The following IMMP2L variants were observed in gnomAD, a reference collection of about 807,000 sequenced individuals.
IMMP2L encodes the protein inner mitochondrial membrane peptidase subunit 2.
A neutral mutation model predicts 19.3 loss-of-function variants in IMMP2L; 18 were observed. The observed-to-expected ratio is 0.93, with a 90% CI of 0.64 to 1.38. The LOEUF is 1.38. IMMP2L is among the 40% of genes most tolerant of loss of function. IMMP2L has a pLI of 0.00. For synonymous variants in IMMP2L, 76 were observed against 73.0 expected, an observed-to-expected ratio of 1.04 and a Z score of -0.21; for missense variants, 233 against 218.2, an observed-to-expected ratio of 1.07 and a Z score of -0.43.
intron 2 of IMMP2L, among the ~76,000 whole-genome samples, chr7:111,493,427 G>C (rs897302254): frequency 2.0e-5 from 3 of 152,100 alleles, no homozygotes; most frequent in African/African-American, 7.2e-5. Flanking sequence ...AACAGGCCGG[G>C]CGCAGTGGCT....
intron 3 of IMMP2L, among the ~76,000 whole-genome samples, chr7:111,208,180 G>A (rs1186327434): frequency 6.6e-6 from 1 of 152,028 alleles, no homozygotes; most frequent in Non-Finnish European, 1.5e-5. Flanking sequence ...ATAGCAAAAT[G>A]TTCATTTTGA....
At chr7:111,478,902 T>C (rs1210355429) in intron 3 of IMMP2L, among the ~76,000 whole-genome samples, 3 of 152,238 alleles carry the variant, frequency 2.0e-5, no homozygotes, top group Admixed American at 2.0e-4. Context: ...AAACTCTGCA[T>C]GATGTCTCTT....
At chr7:111,039,403 A>G (rs973349097) in intron 3 of IMMP2L, among the ~76,000 whole-genome samples, 1 of 152,230 alleles carries the variant, frequency 6.6e-6, no homozygotes, top group Non-Finnish European at 1.5e-5. Context: ...GCAAATCTCT[A>G]TTAACCGTTA....
At chr7:111,217,854 A>C (rs1812117552) in intron 3 of IMMP2L, among the ~76,000 whole-genome samples, 1 of 152,054 alleles carries the variant, frequency 6.6e-6, no homozygotes, top group Non-Finnish European at 1.5e-5. Context: ...TCTTATTTTT[A>C]ATATAAAAAT....
chr7:111,180,589 T>G (rs1807597153), intron 3 of IMMP2L, among the ~76,000 whole-genome samples: 1 of 151,986 alleles, frequency 6.6e-6, no homozygotes, highest in Non-Finnish European at 1.5e-5. Flanking sequence ...CACAAAAACA[T>G]GAAGTGGGCA....
intron 3 of IMMP2L, among the ~76,000 whole-genome samples, chr7:111,448,971 C>A (rs1178662840): frequency 4.0e-5 from 6 of 149,410 alleles, no homozygotes; most frequent in East Asian, 2.0e-4. Context: ...GAAATGGATA[C>A]ATTCCTCGAC....
At chr7:110,857,943 C>A (rs767363850) in intron 5 of IMMP2L, among the ~76,000 whole-genome samples, 1 of 152,036 alleles carries the variant, frequency 6.6e-6, no homozygotes, top group Non-Finnish European at 1.5e-5. Context: ...GATATACATT[C>A]GCTTTTCTGA....
chr7:110,718,582 A>T (rs1179308608), intron 5 of IMMP2L, among the ~76,000 whole-genome samples: 1 of 152,204 alleles, frequency 6.6e-6, no homozygotes, highest in Non-Finnish European at 1.5e-5. Context: ...AAAACCAGGG[A>T]GTTAAAAGCA....
intron 3 of IMMP2L, among the ~76,000 whole-genome samples, chr7:111,233,432 T>C (rs150646114): frequency 1.9e-3 from 287 of 152,146 alleles, no homozygotes; most frequent in South Asian, 7.7e-3. Flanking sequence ...TTTGAGGAAA[T>C]AGTCATATAA....
At chr7:111,399,592 T>C (rs997497268) in intron 3 of IMMP2L, among the ~76,000 whole-genome samples, 1 of 152,076 alleles carries the variant, frequency 6.6e-6, no homozygotes, top group African/African-American at 2.4e-5. Context: ...TGGTCTCAAG[T>C]TATCCATCAG....
At chr7:110,880,498 A>G (rs566228090) in intron 5 of IMMP2L, among the ~76,000 whole-genome samples, 1 of 152,264 alleles carries the variant, frequency 6.6e-6, no homozygotes, top group South Asian at 2.1e-4. Flanking sequence ...ATTACCCATC[A>G]AATATTTTAT....
intron 4 of IMMP2L, among the ~76,000 whole-genome samples, chr7:110,933,275 T>A (rs1467229696): frequency 6.6e-6 from 1 of 152,202 alleles, no homozygotes; most frequent in African/African-American, 2.4e-5. Context: ...CTGGGTTCTC[T>A]GGCTCCTTGA....
At chr7:111,056,284 T>G (rs10232293) in intron 3 of IMMP2L, among the ~76,000 whole-genome samples, 3,321 of 152,302 alleles carry the variant, frequency 0.022, 118 homozygotes, top group African/African-American at 0.076. Context: ...GTCAACCATA[T>G]AGCAGAACAT....
At chr7:111,497,087 T>G (rs527735093) in intron 2 of IMMP2L, among the ~76,000 whole-genome samples, 1 of 152,282 alleles carries the variant, frequency 6.6e-6, no homozygotes, top group African/African-American at 2.4e-5. Flanking sequence ...TACACTAGGT[T>G]GTTAATTTTT....
At chr7:110,750,700 G>A (rs917903980) in intron 5 of IMMP2L, among the ~76,000 whole-genome samples, 5 of 152,122 alleles carry the variant, frequency 3.3e-5, no homozygotes, top group African/African-American at 1.2e-4. Context: ...ACTGTAGGTT[G>A]CTGAGATTAC....
chr7:111,558,054 G>GA (rs1205073525), intron 1 of IMMP2L, among the ~76,000 whole-genome samples: 4 of 151,986 alleles, frequency 2.6e-5, no homozygotes, highest in African/African-American at 9.6e-5. Context: ...AGATGACAAA[G>GA]AAAAAAACTT....
chr7:110,927,764 A>G (rs1301946486), intron 4 of IMMP2L, among the ~76,000 whole-genome samples: 1 of 152,108 alleles, frequency 6.6e-6, no homozygotes, highest in Non-Finnish European at 1.5e-5. Flanking sequence ...GAGTAAGATA[A>G]TAAATTTGTA....
chr7:111,028,146 A>G (rs974890249), intron 3 of IMMP2L, among the ~76,000 whole-genome samples: 3 of 152,188 alleles, frequency 2.0e-5, no homozygotes, highest in Admixed American at 6.6e-5. Flanking sequence ...TAATAGTATA[A>G]CAATTGTTAA....
At chr7:110,996,765 C>T (rs1410966651) in intron 3 of IMMP2L, among the ~76,000 whole-genome samples, 2 of 151,864 alleles carry the variant, frequency 1.3e-5, no homozygotes, top group Non-Finnish European at 2.9e-5. Context: ...ATAACCTTCA[C>T]TCAGTTTCCC....
Sources: gnomAD v4.1 joint callset for allele counts (sites outside exome capture counted in the v4.1 genomes callset) on GRCh38, gnomAD v4.1.1 for gene constraint, MANE v1.5 for transcripts, NCBI Gene and HGNC (gene_info 2026-07-23, HGNC 2026-07-21) for gene names.